The following ABCC8 variants were observed in gnomAD, a reference collection of about 807,000 sequenced individuals.
The protein encoded by ABCC8 is ATP binding cassette subfamily C member 8.
ABCC8 carries 137 observed loss-of-function variants against 188.0 expected under a neutral mutation model. The ratio of observed to expected loss-of-function variants is 0.73; its 90% CI spans 0.63 to 0.84. The LOEUF (loss-of-function observed/expected upper bound fraction) is 0.84. ABCC8 is among the 40% of genes least tolerant of loss of function. The pLI, the probability that ABCC8 is intolerant of heterozygous loss-of-function variation, is 0.00. For synonymous variants in ABCC8, 797 were observed against 846.5 expected (o/e 0.94, Z 1.01); for missense variants, 1,750 against 2,072.7 (o/e 0.84, Z 3.02).
intron 21 of ABCC8, among the ~76,000 whole-genome samples, chr11:17,411,463 C>T (rs1007792551): frequency 1.3e-5 from 2 of 152,232 alleles, no homozygotes; most frequent in South Asian, 4.1e-4. Flanking sequence ...CAGACGGTAA[C>T]GGAGACTGAA....
chr11:17,407,632 C>G (rs1954607019), intron 23 of ABCC8, 179 bp from the exon 24 acceptor site: 1 of 636,172 alleles, frequency 1.6e-6, no homozygotes, highest in African/African-American at 2.0e-5. Context: ...TCCCCTTCAT[C>G]AGATAATAGC....
intron 4 of ABCC8, among the ~76,000 whole-genome samples, chr11:17,462,731 C>A (rs1847899784): frequency 6.6e-6 from 1 of 152,156 alleles, no homozygotes; most frequent in South Asian, 2.1e-4. Context: ...ACGGAATTAG[C>A]CATATCAGAT....
intron 18 of ABCC8, 109 bp downstream of exon 18, chr11:17,415,195 C>G (rs1955009951): frequency 6.7e-7 from 1 of 1,488,754 alleles, no homozygotes; most frequent in South Asian, 1.2e-5. Context: ...TCCCCCAACA[C>G]TGGGGCTGGG....
Position 17,408,397 on chromosome 11 carries a change from C to T in ABCC8, c.2815G>A (p.Glu939Lys). The part of the protein sequence containing the change: ...TLMNRQDQEL[E>K]KETVTERKAT... Reference sequence around the variant, plus strand: ...CCATCCCTGGATATACCCACCTTCTCCAGCTCTTGGTCCTGTCGGTTCATG... The same window carrying T: ...CCATCCCTGGATATACCCACCTTCTTCAGCTCTTGGTCCTGTCGGTTCATG... The change falls in exon 23 of 39, where the codon GAG becomes AAG. Residue 939 changes from glutamate to lysine, a missense_variant. Coordinates refer to ENST00000389817, the MANE Select transcript of ABCC8 (RefSeq NM_000352.6). The T allele has an allele frequency of 6.2e-7, 1 of 1,613,396 alleles. No individual in the cohort carries two copies. Among genetic ancestry groups the T allele is most frequent in the Non-Finnish European group, 8.5e-7 (1 of 1,180,012 alleles).
chr11:17,470,545 G>A (rs965493085), intron 2 of ABCC8, among the ~76,000 whole-genome samples: 2 of 152,188 alleles, frequency 1.3e-5, no homozygotes, highest in South Asian at 4.2e-4. Context: ...AACAGCATAA[G>A]TCAGCACTGG....
chr11:17,415,883 C>T (rs1226891196), intron 17 of ABCC8, among the ~76,000 whole-genome samples: 1 of 152,202 alleles, frequency 6.6e-6, no homozygotes, highest in African/African-American at 2.4e-5. Context: ...CAGAAGACAA[C>T]CACGGAATGT....
Position 17,474,905 on chromosome 11 carries a change from C to G in ABCC8, c.271G>C (p.Glu91Gln). ...LLFVLVCEIA[E>Q]GILSDGVTES... ...ACTCACCCATCAGACAGGATGCCCT[C>G]TGCAATCTCACACACCAGGACGAAG... The change falls in exon 2 of 39, where the codon GAG becomes CAG. Residue 91 changes from glutamate to glutamine, a missense_variant. Coordinates refer to ENST00000389817, the MANE Select transcript of ABCC8 (RefSeq NM_000352.6). 6.2e-7 allele frequency: 1 copy of G among 1,614,220 alleles called. No homozygotes were observed. Among genetic ancestry groups the G allele is most frequent in the Non-Finnish European group, 8.5e-7 (1 of 1,180,044 alleles).
intron 2 of ABCC8, among the ~76,000 whole-genome samples, chr11:17,474,438 G>T (rs1564997153): frequency 6.6e-6 from 1 of 152,204 alleles, no homozygotes; most frequent in Non-Finnish European, 1.5e-5. Context: ...GATAGGTGGG[G>T]CTGACTGTGA....
intron 38 of ABCC8, 21 bp downstream of exon 38, chr11:17,393,676 C>T (rs368638003): frequency 7.9e-5 from 127 of 1,614,052 alleles, no homozygotes; most frequent in Non-Finnish European, 9.9e-5. Flanking sequence ...TCCCTCTGCA[C>T]CCCATCAATG....
chr11:17,470,736 G>C (rs1411573037), intron 2 of ABCC8, among the ~76,000 whole-genome samples: 1 of 152,214 alleles, frequency 6.6e-6, no homozygotes, highest in Non-Finnish European at 1.5e-5. Flanking sequence ...GAGGCACGAA[G>C]AGGCATTTCC....
At chr11:17,435,667 G>C (rs796306363) in intron 10 of ABCC8, 1 of 1,406,112 alleles carries the variant, frequency 7.1e-7, no homozygotes, top group Non-Finnish European at 1.0e-6. Context: ...GGGAACCTCT[G>C]TTCTTCACAT....
intron 38 of ABCC8, among the ~76,000 whole-genome samples, chr11:17,393,401 C>A (rs1354476233): frequency 6.6e-6 from 1 of 152,216 alleles, no homozygotes; most frequent in East Asian, 1.9e-4. Flanking sequence ...CCCCCACTTC[C>A]TATGGAGAAG....
chr11:17,397,523 TG>T, intron 31 of ABCC8, 160 bp downstream of exon 31: 2 of 1,408,336 alleles, frequency 1.4e-6, no homozygotes, highest in Non-Finnish European at 1.9e-6. Flanking sequence ...GCCTGGGCCC[TG>T]GGGCCTGCTG....
At chr11:17,434,656 A>T (rs1300713429) in intron 10 of ABCC8, among the ~76,000 whole-genome samples, 1 of 152,058 alleles carries the variant, frequency 6.6e-6, no homozygotes. Context: ...TCTACTGCAC[A>T]TTTTCCCTGG....
chr11:17,452,718 C>T (rs949404701), intron 7 of ABCC8, among the ~76,000 whole-genome samples: 27 of 152,194 alleles, frequency 1.8e-4, no homozygotes, highest in Admixed American at 1.6e-3. Context: ...AAGCACATTC[C>T]TTTTTTCACA....
intron 16 of ABCC8, among the ~76,000 whole-genome samples, chr11:17,421,997 C>T (rs553870943): frequency 7.9e-5 from 12 of 152,368 alleles, no homozygotes; most frequent in Admixed American, 2.0e-4. Flanking sequence ...TCACCCTCTC[C>T]TCTGGCTGCA....
At position 17,461,178 on chromosome 11, in the gene ABCC8, A is replaced by G. The variant is rs2074318; in HGVS notation, c.822+405T>C. On this transcript the variant is annotated intron_variant, in intron 5 of 38. Transcript: ENST00000389817. ...TATGGGGAGATTCCTGTCTGGCTCA[A>G]CTCATAGAGTTACCATAAGGATCAG... 36 of 343,784 alleles carry G rather than the reference A, an allele frequency of 1.0e-4. No homozygotes were observed. The East Asian group carries it at 2.7e-3, about 25-fold the overall frequency. 21.3% of individuals were successfully genotyped at this position (343,784 alleles called of 1,614,324 possible).
intron 18 of ABCC8, chr11:17,414,819 C>T: frequency 2.0e-6 from 1 of 488,400 alleles, no homozygotes; most frequent in Non-Finnish European, 2.7e-6. Context: ...GGCAGCAGGA[C>T]CTCATCCCCT....
At chr11:17,420,776 T>C (rs768680558) in intron 16 of ABCC8, among the ~76,000 whole-genome samples, 6 of 152,188 alleles carry the variant, frequency 3.9e-5, no homozygotes, top group Non-Finnish European at 7.4e-5. Context: ...TTAAAGTCAC[T>C]CTACTGTGGA....
Sources: gnomAD v4.1 joint callset for allele counts (sites outside exome capture counted in the v4.1 genomes callset) on GRCh38, gnomAD v4.1.1 for gene constraint, MANE v1.5 for transcripts, NCBI Gene and HGNC (gene_info 2026-07-23, HGNC 2026-07-21) for gene names.